The following MYO19 variants were observed in gnomAD, a reference collection of about 807,000 sequenced individuals.
The protein encoded by MYO19 is myosin XIX, also known as unconventional myosin-XIX.
MYO19 carries 132 observed loss-of-function variants against 129.2 expected under a neutral mutation model. That is an observed-to-expected ratio of 1.02 (90% confidence interval 0.89 to 1.18). The LOEUF is 1.18. Among genes scored for constraint, MYO19 ranks in the 50% most tolerant of loss-of-function variants. The pLI, the probability that MYO19 is intolerant of heterozygous loss-of-function variation, is 0.00. For missense variants in MYO19, 1,210 were observed against 1,216.7 expected (o/e 0.99, Z 0.08); for synonymous variants, 531 against 477.2 (o/e 1.11, Z -1.47).
upstream of MYO19, among the ~76,000 whole-genome samples, chr17:36,536,266 CT>C (rs1466585737): frequency 7.2e-5 from 11 of 152,168 alleles, no homozygotes; most frequent in Admixed American, 2.6e-4. Context: ...CCAGAAATCA[CT>C]GCAGGGGTCA....
At chr17:36,531,249 G>A (rs150446789) in intron 3 of MYO19, among the ~76,000 whole-genome samples, 2,208 of 151,822 alleles carry the variant, frequency 0.015, 31 homozygotes, top group African/African-American at 0.041. Context: ...CAAAAAATTA[G>A]CCAGGCGTGG....
intron 25 of MYO19, chr17:36,497,552 C>T (rs1340832335): frequency 1.0e-5 from 10 of 983,986 alleles, no homozygotes; most frequent in African/African-American, 3.5e-5. Flanking sequence ...AATTTTTCCT[C>T]TTTTCTGTAA....
At chr17:36,531,733 T>G (rs1258719534) in intron 3 of MYO19, among the ~76,000 whole-genome samples, 7 of 152,136 alleles carry the variant, frequency 4.6e-5, no homozygotes, top group Non-Finnish European at 8.8e-5. Context: ...ATGGCTCCCT[T>G]GATGCTGGCA....
At chr17:36,526,919 C>G (rs961371724) in intron 5 of MYO19, among the ~76,000 whole-genome samples, 5 of 152,002 alleles carry the variant, frequency 3.3e-5, no homozygotes, top group Admixed American at 1.3e-4. Flanking sequence ...GTGGCTCACA[C>G]CTGTAATTCC....
At chr17:36,528,263 C>G in intron 3 of MYO19, 61 bp from the exon 4 acceptor site, 1 of 1,503,286 alleles carries the variant, frequency 6.7e-7, no homozygotes, top group Non-Finnish European at 9.0e-7. Flanking sequence ...AATCCCAGCA[C>G]TCTGGGAGGC....
chr17:36,515,298 C>G, intron 7 of MYO19, 116 bp from the exon 8 acceptor site: 1 of 855,394 alleles, frequency 1.2e-6, no homozygotes, highest in Non-Finnish European at 1.8e-6. Context: ...CTAAAGGCCC[C>G]TTTGTTGGTT....
chr17:36,512,378 A>G (rs563579949), intron 11 of MYO19, among the ~76,000 whole-genome samples: 1 of 150,044 alleles, frequency 6.7e-6, no homozygotes, highest in South Asian at 2.1e-4. Flanking sequence ...AACTAGAGTA[A>G]AACTCCATCT....
At chr17:36,498,125 G>C (rs1385324218) in intron 25 of MYO19, 141 bp downstream of exon 25, 1 of 822,336 alleles carries the variant, frequency 1.2e-6, no homozygotes, top group Non-Finnish European at 1.8e-6. Flanking sequence ...AGCTGATTGG[G>C]ACATGCAGCC....
chr17:36,544,330 C>A (rs1487221256), upstream of MYO19, among the ~76,000 whole-genome samples: 1 of 152,202 alleles, frequency 6.6e-6, no homozygotes, highest in Admixed American at 6.5e-5. Flanking sequence ...ACGCAGCGGG[C>A]CCCTGGCGAG....
In MYO19 at chr17:36,506,568, G is replaced by A; in HGVS notation, c.1685C>T (p.Ser562Phe). The A allele has an allele frequency of 6.4e-7, 1 of 1,569,268 alleles. No individual in the cohort carries two copies. The highest frequency in any genetic ancestry group is 2.3e-5 in the East Asian group (1 of 44,290). Residue 562 changes from serine (S) to phenylalanine (F), a missense_variant, in exon 18 of 26, where the codon TCC (serine) becomes TTC (phenylalanine). Ser to Phe is a radical substitution (Grantham distance 155). Coordinates refer to ENST00000614623, the MANE Select transcript of MYO19 (RefSeq NM_001163735.2). The part of the protein sequence containing the change: ...PPELTRLLQQ[S>F]QDPLLMGLFP... Reference sequence around the variant, plus strand: ...CAGCCCCATGAGCAGGGGGTCCTGGGATTGCTGCAGGAGCCTGGTCAGCTC... The same window carrying A: ...CAGCCCCATGAGCAGGGGGTCCTGGAATTGCTGCAGGAGCCTGGTCAGCTC...
upstream of MYO19, among the ~76,000 whole-genome samples, chr17:36,544,498 C>G (rs1207228594): frequency 6.6e-6 from 1 of 152,236 alleles, no homozygotes; most frequent in East Asian, 1.9e-4. Context: ...CTTCTCGCAA[C>G]CTATCCAGGT....
intron 7 of MYO19, among the ~76,000 whole-genome samples, chr17:36,515,450 C>A (rs952442165): frequency 6.6e-6 from 1 of 152,132 alleles, no homozygotes; most frequent in Non-Finnish European, 1.5e-5. Context: ...AGGGAAAGGT[C>A]AAAAACAATC....
Position 36,503,936 on chromosome 17 carries a change from T to TCGAGC in MYO19, c.1976+9_1976+13dup, listed in dbSNP as rs1194564112. ...GTACTGGCCCTGCACTGTGCCGTGATCGAGCCCACTCACCGGATGGGGAAG... is the reference window on the plus strand; with the variant it reads ...GTACTGGCCCTGCACTGTGCCGTGATCGAGCCGAGCCCACTCACCGGATGGGGAAG... On this transcript the variant is annotated intron_variant, in intron 20 of 25. Coordinates refer to ENST00000614623, the MANE Select transcript of MYO19 (RefSeq NM_001163735.2). 2 of 1,580,840 alleles carry TCGAGC rather than the reference T, an allele frequency of 1.3e-6. No homozygotes were observed. The highest frequency in any genetic ancestry group is 3.6e-5 in the Admixed American group (2 of 55,078).
At chr17:36,522,794 T>G (rs1045689675) in intron 6 of MYO19, among the ~76,000 whole-genome samples, 1 of 151,890 alleles carries the variant, frequency 6.6e-6, no homozygotes, top group East Asian at 1.9e-4. Context: ...GATCACGAGG[T>G]CAGGAGATCG....
intron 6 of MYO19, among the ~76,000 whole-genome samples, chr17:36,517,987 G>C (rs1214686039): frequency 6.6e-6 from 1 of 151,822 alleles, no homozygotes; most frequent in African/African-American, 2.4e-5. Flanking sequence ...CTACTAGGGA[G>C]ACTGAGGCAG....
chr17:36,509,108 GA>G lies in MYO19; in HGVS notation c.1184del (p.Ile395ThrfsTer16). 3.1e-6 allele frequency: 5 copies of G among 1,613,850 alleles called. No homozygotes were observed. Among genetic ancestry groups the G allele is most frequent in the Non-Finnish European group, 4.2e-6 (5 of 1,179,822 alleles). On this transcript the variant is annotated frameshift_variant, in exon 14 of 26. Transcript: ENST00000614623. LOFTEE classifies it high-confidence loss of function. ...ARLFDWLVSV[I>X]NSSICADTDS... is the part of the protein sequence containing the mutation. ...CGGTGTCTGCACAGATGCTGCTGTT[GA>G]TCACTGATACCAGCCAGTCAAACAA...
At chr17:36,509,439 G>A in intron 13 of MYO19, 1 of 460,930 alleles carries the variant, frequency 2.2e-6, no homozygotes, top group Non-Finnish European at 4.0e-6. Context: ...CAGTCACATG[G>A]CTCGAGACCC....
chr17:36,502,126 T>G (rs2071574291), intron 21 of MYO19, among the ~76,000 whole-genome samples: 1 of 152,088 alleles, frequency 6.6e-6, no homozygotes, highest in African/African-American at 2.4e-5. Flanking sequence ...GGGGCAGAGG[T>G]GCTGGGCTGG....
Position 36,532,676 on chromosome 17 carries a change from C to A in MYO19, c.-138G>T. On this transcript the variant is annotated 5_prime_UTR_variant, in exon 3 of 26. Coordinates refer to ENST00000614623, the MANE Select transcript of MYO19 (RefSeq NM_001163735.2). Reference sequence around the variant, plus strand: ...TGGAGGAATCTCAGACAAGTCACTCCAGCGCCTGTGGCATGAGAGAGAAGA... The same window carrying A: ...TGGAGGAATCTCAGACAAGTCACTCAAGCGCCTGTGGCATGAGAGAGAAGA... 1 of 1,030,018 alleles carries A rather than the reference C, an allele frequency of 9.7e-7. No individual in the cohort carries two copies. Among genetic ancestry groups the A allele is most frequent in the Non-Finnish European group, 1.5e-6 (1 of 680,170 alleles). 63.8% of individuals were successfully genotyped at this position (1,030,018 alleles called of 1,614,324 possible).
Sources: allele counts gnomAD v4.1 joint callset (sites outside exome capture counted in the v4.1 genomes callset), GRCh38; gene constraint gnomAD v4.1.1; transcripts MANE v1.5; gene names NCBI Gene and HGNC (gene_info 2026-07-23, HGNC 2026-07-21).